ZNF618: variants seen among roughly 807,000 people sequenced by gnomAD.
ZNF618 encodes the protein zinc finger protein 618, also known as neural precursor cell expressed, developmentally down-regulated 10.
A neutral mutation model predicts 103.0 loss-of-function variants in ZNF618; 34 were observed. The observed-to-expected ratio is 0.33, with a 90% CI of 0.25 to 0.44. ZNF618 has a LOEUF of 0.44. ZNF618 is among the 20% of genes least tolerant of loss of function. The pLI is 1.00. For synonymous variants in ZNF618, 551 were observed against 542.2 expected (o/e 1.02, Z -0.23); for missense variants, 1,059 against 1,295.4 (o/e 0.82, Z 2.80).
intron 3 of ZNF618, among the ~76,000 whole-genome samples, chr9:113,995,329 A>G (rs1309522275): frequency 6.6e-6 from 1 of 152,018 alleles, no homozygotes; most frequent in Non-Finnish European, 1.5e-5. Flanking sequence ...TTAGCATACA[A>G]TTCATCAAAA....
At chr9:114,016,000 C>G in intron 9 of ZNF618, 1 of 986,230 alleles carries the variant, frequency 1.0e-6, no homozygotes, top group Non-Finnish European at 1.5e-6. Context: ...CCAGGGCACC[C>G]TCCCCCAAGG....
intron 9 of ZNF618, among the ~76,000 whole-genome samples, chr9:114,010,635 T>C (rs189507864): frequency 1.4e-4 from 22 of 151,966 alleles, no homozygotes; most frequent in African/African-American, 5.1e-4. Context: ...ACCCAGGAGG[T>C]AGAGCTTGCA....
rs534531892 is a variant in ZNF618, at chr9:113,972,388, T to C, written c.77+3228T>C. On this transcript the variant is annotated intron_variant, in intron 2 of 14. Coordinates refer to ENST00000374126, the MANE Select transcript of ZNF618 (RefSeq NM_001318042.2). ...TAATGTAATCTTTTTAACAACCTCA[T>C]GAGAGAGATACTCTTATTATTCCCA... is the stretch of plus-strand genomic sequence containing the variant. 4.4e-4 allele frequency among the ~76,000 whole-genome samples: 67 copies of C among 152,292 alleles called. 1 individual carries two copies. The highest frequency in any genetic ancestry group is 1.5e-3 in the African/African-American group (64 of 41,560).
At chr9:114,033,978 A>G (rs563024340) in intron 12 of ZNF618, among the ~76,000 whole-genome samples, 143 of 152,228 alleles carry the variant, frequency 9.4e-4, no homozygotes, top group African/African-American at 3.1e-3. Flanking sequence ...GCTGTTACTC[A>G]CATATGAACC....
intron 1 of ZNF618, among the ~76,000 whole-genome samples, chr9:113,953,161 G>A (rs909259997): frequency 1.4e-4 from 21 of 152,184 alleles, no homozygotes; most frequent in African/African-American, 5.1e-4. Context: ...GTACGTGAAC[G>A]TACTTCGAGG....
intron 1 of ZNF618, among the ~76,000 whole-genome samples, chr9:113,911,596 T>C (rs1469420428): frequency 6.6e-6 from 1 of 152,224 alleles, no homozygotes; most frequent in African/African-American, 2.4e-5. Context: ...CCCAACGTGC[T>C]GGGATCATAG....
intron 3 of ZNF618, among the ~76,000 whole-genome samples, chr9:113,997,924 C>T (rs1305559807): frequency 2.6e-5 from 4 of 152,230 alleles, no homozygotes; most frequent in African/African-American, 9.6e-5. Flanking sequence ...GATGCATGGA[C>T]ACTGCACCCG....
At chr9:113,908,086 A>T (rs542473777) in intron 1 of ZNF618, among the ~76,000 whole-genome samples, 14 of 152,360 alleles carry the variant, frequency 9.2e-5, no homozygotes, top group African/African-American at 3.4e-4. Context: ...CCAGAGCCTC[A>T]GCAGGATGGC....
intron 1 of ZNF618, among the ~76,000 whole-genome samples, chr9:113,908,042 A>G (rs1167244423): frequency 6.6e-6 from 1 of 152,080 alleles, no homozygotes; most frequent in Non-Finnish European, 1.5e-5. Context: ...AGGATGACGC[A>G]CAGTGTGCCT....
chr9:113,884,083 T>C (rs1271095719), intron 1 of ZNF618, among the ~76,000 whole-genome samples: 2 of 146,172 alleles, frequency 1.4e-5, no homozygotes, highest in Non-Finnish European at 3.0e-5. Flanking sequence ...CTGCCATGTC[T>C]GTGTGTAGGT....
chr9:113,918,563 C>T (rs1252192421), intron 1 of ZNF618, among the ~76,000 whole-genome samples: 1 of 152,034 alleles, frequency 6.6e-6, no homozygotes, highest in African/African-American at 2.4e-5. Context: ...CTCCTTTCTC[C>T]TCCATTTATT....
At chr9:113,960,004 G>A (rs753178258) in intron 1 of ZNF618, among the ~76,000 whole-genome samples, 4 of 152,248 alleles carry the variant, frequency 2.6e-5, no homozygotes, top group African/African-American at 9.6e-5. Flanking sequence ...TGTGCATGAA[G>A]GAAACGAGGC....
intron 1 of ZNF618, among the ~76,000 whole-genome samples, chr9:113,926,315 T>C (rs1444442310): frequency 1.3e-5 from 2 of 152,058 alleles, no homozygotes; most frequent in Admixed American, 1.3e-4. Flanking sequence ...TTTTGTCTTT[T>C]ATTTTCTGCA....
Position 113,877,073 on chromosome 9 carries a change from CT to C in ZNF618, c.33+669del, listed in dbSNP as rs1011555825. ...CCAGGCAGTGGAGGGGTAAGAGATT[CT>C]TTTTTTTTCTTTTTTCGGGTGAAAA... On this transcript the variant is annotated intron_variant, in intron 1 of 14. Transcript: ENST00000374126. Among the ~76,000 whole-genome samples the C allele has an allele frequency of 2.7e-5, 4 of 150,778 alleles. No homozygotes were observed. In the East Asian group the frequency reaches 5.9e-4, roughly 22 times the overall value.
At chr9:113,906,805 C>A (rs1356087317) in intron 1 of ZNF618, among the ~76,000 whole-genome samples, 1 of 151,994 alleles carries the variant, frequency 6.6e-6, no homozygotes, top group African/African-American at 2.4e-5. Flanking sequence ...CTTGCTTAAT[C>A]CAAAAGGGGA....
chr9:114,000,414 G>A (rs1318684993), intron 4 of ZNF618, among the ~76,000 whole-genome samples: 2 of 152,196 alleles, frequency 1.3e-5, no homozygotes, highest in African/African-American at 4.8e-5. Flanking sequence ...GACCGCATGT[G>A]GACCAGGATG....
At chr9:114,023,515 A>C (rs1843243777) in intron 10 of ZNF618, among the ~76,000 whole-genome samples, 1 of 152,160 alleles carries the variant, frequency 6.6e-6, no homozygotes, top group South Asian at 2.1e-4. Flanking sequence ...AAAGTAACTG[A>C]GAAATTAGAA....
chr9:113,905,776 A>G (rs1190803533), intron 1 of ZNF618, among the ~76,000 whole-genome samples: 3 of 152,074 alleles, frequency 2.0e-5, no homozygotes, highest in African/African-American at 7.2e-5. Context: ...CTCTTCTCTG[A>G]TTCCCTCCCT....
At chr9:113,894,309 C>A (rs1171828138) in intron 1 of ZNF618, among the ~76,000 whole-genome samples, 1 of 152,188 alleles carries the variant, frequency 6.6e-6, no homozygotes, top group Non-Finnish European at 1.5e-5. Context: ...ACCTGACTGA[C>A]CATTACATAT....
Sources: gnomAD v4.1 joint callset for allele counts (sites outside exome capture counted in the v4.1 genomes callset) on GRCh38, gnomAD v4.1.1 for gene constraint, MANE v1.5 for transcripts, NCBI Gene and HGNC (gene_info 2026-07-23, HGNC 2026-07-21) for gene names.